CDK19: variants seen among roughly 807,000 people sequenced by gnomAD.
CDK19 encodes cyclin-dependent kinase 19.
Under a neutral mutation model 68.3 loss-of-function variants are expected in CDK19, and 20 were observed. The observed-to-expected ratio is 0.29, with a 90% CI of 0.21 to 0.43. The LOEUF (loss-of-function observed/expected upper bound fraction) is 0.43. CDK19 is among the 20% of genes least tolerant of loss of function. The pLI is 1.00. For synonymous variants in CDK19, 221 were observed against 222.8 expected, an observed-to-expected ratio of 0.99 and a Z score of 0.07; for missense variants, 339 against 623.5, an observed-to-expected ratio of 0.54 and a Z score of 4.86.
At chr6:110,662,338 C>A (rs1450376290) in intron 4 of CDK19, among the ~76,000 whole-genome samples, 1 of 151,826 alleles carries the variant, frequency 6.6e-6, no homozygotes, top group Non-Finnish European at 1.5e-5. Flanking sequence ...ATCCTTCATT[C>A]AATAAAGACT....
intron 2 of CDK19, among the ~76,000 whole-genome samples, chr6:110,691,690 C>G (rs1773005279): frequency 6.6e-6 from 1 of 150,598 alleles, no homozygotes; most frequent in South Asian, 2.1e-4. Flanking sequence ...CTCTGTCGCC[C>G]AGGTTGGAGT....
intron 4 of CDK19, among the ~76,000 whole-genome samples, chr6:110,666,690 C>T (rs1276298785): frequency 6.6e-6 from 1 of 151,974 alleles, no homozygotes. Flanking sequence ...TCTCAAAAGC[C>T]TAAGAAACAA....
At chr6:110,783,011 G>A (rs770286954) in intron 1 of CDK19, among the ~76,000 whole-genome samples, 12 of 152,160 alleles carry the variant, frequency 7.9e-5, no homozygotes, top group South Asian at 2.1e-4. Flanking sequence ...AGTTTCACTT[G>A]CTCACCTGCA....
At chr6:110,746,357 T>G (rs943425507) in intron 1 of CDK19, among the ~76,000 whole-genome samples, 156 bp from the exon 2 acceptor site, 1 of 152,120 alleles carries the variant, frequency 6.6e-6, no homozygotes, top group South Asian at 2.1e-4. Context: ...ATATTTCAAC[T>G]ACAGAAATAT....
intron 1 of CDK19, among the ~76,000 whole-genome samples, chr6:110,776,795 A>C (rs1321769980): frequency 6.6e-6 from 1 of 152,236 alleles, no homozygotes; most frequent in Non-Finnish European, 1.5e-5. Flanking sequence ...CCAAAGAGAT[A>C]AATTCCCATC....
chr6:110,775,511 C>A (rs1467980933), intron 1 of CDK19, among the ~76,000 whole-genome samples: 2 of 152,072 alleles, frequency 1.3e-5, no homozygotes, highest in Non-Finnish European at 2.9e-5. Context: ...ACTACATATG[C>A]TAGGCAGTAT....
chr6:110,695,355 C>T (rs1397836135), intron 2 of CDK19, among the ~76,000 whole-genome samples: 3 of 151,998 alleles, frequency 2.0e-5, no homozygotes, highest in African/African-American at 7.2e-5. Flanking sequence ...ACAGAAAAAG[C>T]ACTGCTAAAA....
At chr6:110,739,179 C>A (rs1777466926) in intron 2 of CDK19, among the ~76,000 whole-genome samples, 1 of 152,200 alleles carries the variant, frequency 6.6e-6, no homozygotes, top group African/African-American at 2.4e-5. Flanking sequence ...AAATCCTAAA[C>A]CCTAACCAAA....
intron 2 of CDK19, among the ~76,000 whole-genome samples, chr6:110,693,080 C>G (rs549900129): frequency 6.6e-6 from 1 of 152,080 alleles, no homozygotes; most frequent in Non-Finnish European, 1.5e-5. Flanking sequence ...TGAGCAAAAG[C>G]GTTAAAATCT....
intron 1 of CDK19, chr6:110,813,239 A>C (rs371780027): frequency 1.5e-4 from 23 of 152,272 alleles, no homozygotes; most frequent in African/African-American, 4.8e-4. Context: ...TTTTGTTGTA[A>C]GCCCATACTA....
chr6:110,804,001 C>CGAAAA (rs772696567), intron 1 of CDK19, among the ~76,000 whole-genome samples: 1 of 151,856 alleles, frequency 6.6e-6, no homozygotes, highest in African/African-American at 2.4e-5. Context: ...AAATACAGAA[C>CGAAAA]GAAAAGAAAA....
intron 2 of CDK19, among the ~76,000 whole-genome samples, chr6:110,717,217 T>C (rs1307017993): frequency 9.8e-6 from 1 of 101,860 alleles, no homozygotes; most frequent in Non-Finnish European, 2.4e-5. Flanking sequence ...ATATGATATA[T>C]ATCTATATAT....
intron 6 of CDK19, among the ~76,000 whole-genome samples, chr6:110,630,574 G>T (rs964455846): frequency 2.6e-5 from 4 of 152,204 alleles, no homozygotes; most frequent in Non-Finnish European, 4.4e-5. Flanking sequence ...AATGTACACA[G>T]GCAGGATCAC....
At chr6:110,736,880 T>C (rs1216781056) in intron 2 of CDK19, among the ~76,000 whole-genome samples, 1 of 152,202 alleles carries the variant, frequency 6.6e-6, no homozygotes, top group African/African-American at 2.4e-5. Context: ...TTTGCTTCAA[T>C]ATTATTCAAG....
At chr6:110,675,297 C>T (rs1321401596) in intron 2 of CDK19, among the ~76,000 whole-genome samples, 1 of 152,162 alleles carries the variant, frequency 6.6e-6, no homozygotes, top group Admixed American at 6.5e-5. Flanking sequence ...GAAGCCAATG[C>T]TCATTTACCA....
chr6:110,801,329 T>G (rs1049665953), intron 1 of CDK19, among the ~76,000 whole-genome samples: 4 of 151,596 alleles, frequency 2.6e-5, no homozygotes, highest in Non-Finnish European at 1.5e-5. Flanking sequence ...CACAAAAAAT[T>G]TAAAAAGTAG....
Position 110,769,356 on chromosome 6 carries a change from G to A in CDK19, c.129-23155C>T, listed in dbSNP as rs9384754. Among the ~76,000 whole-genome samples the A allele has an allele frequency of 0.035, 5,369 of 151,646 alleles. 427 individuals carry two copies. In the East Asian group the frequency reaches 0.35, roughly 10 times the overall value. On this transcript the variant is annotated intron_variant, in intron 1 of 12. Coordinates refer to ENST00000368911, the MANE Select transcript of CDK19 (RefSeq NM_015076.5). ...GAGGCAGGTGGATCATCTGAGGTCC[G>A]GAGTTCGAGACCAGCCTGGCCACCA...
chr6:110,713,610 G>A (rs1241757439), intron 2 of CDK19, among the ~76,000 whole-genome samples: 3 of 152,002 alleles, frequency 2.0e-5, no homozygotes. Context: ...TGCCCAGGCT[G>A]ATTTCTATAT....
chr6:110,641,272 C>A (rs1780142762), intron 4 of CDK19, among the ~76,000 whole-genome samples: 1 of 151,930 alleles, frequency 6.6e-6, no homozygotes, highest in Non-Finnish European at 1.5e-5. Context: ...GAGCTTAAAT[C>A]CAGGAGGAAA....
Sources: gnomAD v4.1 joint callset for allele counts (sites outside exome capture counted in the v4.1 genomes callset) on GRCh38, gnomAD v4.1.1 for gene constraint, MANE v1.5 for transcripts, NCBI Gene and HGNC (gene_info 2026-07-23, HGNC 2026-07-21) for gene names.